The following DHX33 variants were observed in gnomAD, a reference collection of about 807,000 sequenced individuals.
DHX33 encodes the protein DEAH-box helicase 33, also known as ATP-dependent RNA helicase DHX33.
DHX33 carries 42 observed loss-of-function variants against 72.5 expected under a neutral mutation model. That is an observed-to-expected ratio of 0.58 (90% CI 0.45 to 0.75). DHX33 has a LOEUF of 0.75. Among genes scored for constraint, DHX33 ranks in the 30% least tolerant of loss-of-function variants. The pLI, the probability that DHX33 is intolerant of heterozygous loss-of-function variation, is 0.00. For synonymous variants in DHX33, 358 were observed against 366.1 expected, an observed-to-expected ratio of 0.98 and a Z score of 0.25; for missense variants, 842 against 917.5, an observed-to-expected ratio of 0.92 and a Z score of 1.06.
intron 3 of DHX33, 195 bp from the exon 4 acceptor site, chr17:5,461,304 TTC>T: frequency 3.3e-5 from 12 of 363,468 alleles, no homozygotes; most frequent in Non-Finnish European, 5.1e-5. Flanking sequence ...TTTCCTTTCC[TTC>T]TTTTTTTTTT....
chr17:5,456,841 T>C (rs1172413924), intron 4 of DHX33, among the ~76,000 whole-genome samples: 1 of 152,202 alleles, frequency 6.6e-6, no homozygotes, highest in Non-Finnish European at 1.5e-5. Flanking sequence ...GGCGCAGCCA[T>C]GCTGGAGAAG....
intron 4 of DHX33, among the ~76,000 whole-genome samples, chr17:5,458,523 G>A (rs993614242): frequency 6.6e-5 from 10 of 152,116 alleles, no homozygotes; most frequent in African/African-American, 2.4e-4. Flanking sequence ...TGAGGTGGGA[G>A]GACTGATTGA....
At chr17:5,457,302 C>T (rs1348709614) in intron 4 of DHX33, among the ~76,000 whole-genome samples, 1 of 151,618 alleles carries the variant, frequency 6.6e-6, no homozygotes, top group African/African-American at 2.4e-5. Flanking sequence ...AGCAAGACTC[C>T]ATCTCAAAAA....
chr17:5,457,740 A>G (rs1904389377), intron 4 of DHX33, among the ~76,000 whole-genome samples: 1 of 152,178 alleles, frequency 6.6e-6, no homozygotes, highest in Admixed American at 6.5e-5. Context: ...TATTAACAGA[A>G]CAAATGTGCA....
rs769163937 is a variant in DHX33 at position 5,455,235 on chromosome 17, C to T, written c.1072G>A (p.Glu358Lys). Residue 358 changes from glutamate to lysine, a missense_variant, in exon 6 of 12, where the codon GAA (glutamate) becomes AAA (lysine). Coordinates refer to ENST00000225296, the MANE Select transcript of DHX33 (RefSeq NM_020162.4). ...RKVIISTNIA[E>K]TSITITGIKY... ...ATTCCTGTAATGGTTATGGAGGTTT[C>T]AGCGATGTTGGTTGAAATGATCACT... 2.5e-6 allele frequency: 4 copies of T among 1,614,128 alleles called. No individual in the cohort carries two copies. Among genetic ancestry groups the T allele is most frequent in the Non-Finnish European group, 3.4e-6 (4 of 1,180,030 alleles).
intron 4 of DHX33, among the ~76,000 whole-genome samples, chr17:5,459,268 T>C (rs62072699): frequency 1.7e-3 from 254 of 152,240 alleles, no homozygotes; most frequent in Non-Finnish European, 3.0e-3. Flanking sequence ...AGAAAGCTAA[T>C]AGGAAGGTAA....
rs1916445275 is a variant in DHX33, at chr17:5,441,781, G to C, written c.*2424C>G. 6.6e-6 allele frequency: 1 copy of C among 152,158 alleles called. No individual in the cohort carries two copies. Among genetic ancestry groups the C allele is most frequent in the African/African-American group, 2.4e-5 (1 of 41,434 alleles). The allele number at this position is 152,158 out of a possible 1,614,324, so 9.4% of individuals were successfully genotyped here. ...CTTATTTCTGTACAGAAACATTAAAGCTACTTAGAAGCTGTTTACATCCTT... is the reference window on the plus strand; with the variant it reads ...CTTATTTCTGTACAGAAACATTAAACCTACTTAGAAGCTGTTTACATCCTT... On this transcript the variant is annotated 3_prime_UTR_variant, in exon 12 of 12. Coordinates refer to ENST00000225296, the MANE Select transcript of DHX33 (RefSeq NM_020162.4).
intron 1 of DHX33, among the ~76,000 whole-genome samples, chr17:5,467,924 T>TA (rs568119883): frequency 1.0e-3 from 154 of 152,312 alleles, no homozygotes; most frequent in Non-Finnish European, 1.1e-3. Context: ...CTTTAACTCT[T>TA]ACAAATAGCT....
rs1356531614 is a variant in DHX33 at position 5,463,775 on chromosome 17, C to T, written c.290-86G>A. 3 of 1,345,312 alleles carry T rather than the reference C, an allele frequency of 2.2e-6. No homozygotes were observed. The African/African-American group carries it at 4.5e-5, about 20-fold the overall frequency. 83.3% of individuals were successfully genotyped at this position (1,345,312 alleles called of 1,614,324 possible). ...AGGGCTGGCACCTATAATCTCAGCA[C>T]TTTGGGAGGCCGAGGTAGGAGGCTC... On this transcript the variant is annotated intron_variant, in intron 1 of 11. Coordinates refer to ENST00000225296, the MANE Select transcript of DHX33 (RefSeq NM_020162.4).
At chr17:5,451,753 C>A (rs1355992782) in intron 8 of DHX33, among the ~76,000 whole-genome samples, 1 of 152,068 alleles carries the variant, frequency 6.6e-6, no homozygotes, top group African/African-American at 2.4e-5. Context: ...AAGGAGTGAT[C>A]TGTAAAATGT....
intron 11 of DHX33, among the ~76,000 whole-genome samples, chr17:5,448,256 G>A (rs112489867): frequency 6.6e-6 from 1 of 152,116 alleles, no homozygotes; most frequent in Admixed American, 6.6e-5. Flanking sequence ...GGAAGTTGTG[G>A]AACATGTACC....
chr17:5,457,065 G>T (rs1465072770), intron 4 of DHX33, among the ~76,000 whole-genome samples: 2 of 152,192 alleles, frequency 1.3e-5, no homozygotes, highest in Non-Finnish European at 2.9e-5. Flanking sequence ...TTAACACTTT[G>T]GGAGGCCGAG....
Position 5,450,787 on chromosome 17 carries a change from G to A in DHX33, c.1524+20C>T. 6.2e-7 allele frequency: 1 copy of A among 1,614,100 alleles called. No individual in the cohort carries two copies. On this transcript the variant is annotated intron_variant, in intron 9 of 11. Coordinates refer to ENST00000225296, the MANE Select transcript of DHX33 (RefSeq NM_020162.4). Reference sequence around the variant, plus strand: ...AACTGTAATGTACAGAAAGAGGACTGAGGAGAGGGTATCATTTACTTTGGC... The same window carrying A: ...AACTGTAATGTACAGAAAGAGGACTAAGGAGAGGGTATCATTTACTTTGGC...
rs748453908 is a variant in DHX33, at chr17:5,453,711, C to T, written c.1308-43G>A. ...CCAGGGTCATGACCTGATCCCTCTG[C>T]CATTGAGTCAGAACCCCTCATGGTG... On this transcript the variant is annotated intron_variant, in intron 7 of 11. Transcript: ENST00000225296. The T allele has an allele frequency of 1.9e-6, 3 of 1,612,388 alleles. No homozygotes were observed. The South Asian group carries it at 3.3e-5, about 18-fold the overall frequency.
In DHX33 at chr17:5,444,412, G is replaced by A. The variant is rs758805293; in HGVS notation, c.1917C>T (p.Gly639=). ...GGTGGGTGTCCGTGGTGGCATAGGT[G>A]CCATCTGGCTGAAGCTCGGCGGTGC... The part of the protein sequence containing the change: ...FMSTAELQPD[G]TYATTDTHQP... The change falls in exon 12 of 12, where the codon GGC becomes GGT. Residue 639 remains glycine (G), a synonymous_variant. Transcript: ENST00000225296. The surrounding 1 kb of genome is among the most constrained non-coding windows in gnomAD (Gnocchi z 4.9). 1 of 1,614,212 alleles carries A rather than the reference G, an allele frequency of 6.2e-7. No homozygotes were observed. Among genetic ancestry groups the A allele is most frequent in the Non-Finnish European group, 8.5e-7 (1 of 1,180,044 alleles).
At position 5,450,294 on chromosome 17, in the gene DHX33, T is replaced by G. The variant is rs1359075665; in HGVS notation, c.1637A>C (p.Gln546Pro). Residue 546 changes from glutamine (Q) to proline (P), a missense_variant, in exon 10 of 12, where the codon CAA (glutamine) becomes CCA (proline). Gln to Pro is a moderately conservative substitution (Grantham distance 76). Coordinates refer to ENST00000225296, the MANE Select transcript of DHX33 (RefSeq NM_020162.4). The stretch of plus-strand genomic sequence containing the variant: ...GGATATGAACTTCTTGCGGACCCCT[T>G]GCACTTCCTCTCGCCGGGAAGGAGG... The part of the protein sequence containing the change: ...HNPPSRREEV[Q>P]GVRKKFISSE... 2 of 1,614,192 alleles carry G rather than the reference T, an allele frequency of 1.2e-6. No individual in the cohort carries two copies. Among genetic ancestry groups the G allele is most frequent in the Admixed American group, 3.3e-5 (2 of 60,008 alleles).
At chr17:5,451,878 G>A (rs957127091) in intron 8 of DHX33, among the ~76,000 whole-genome samples, 1 of 152,110 alleles carries the variant, frequency 6.6e-6, no homozygotes, top group Non-Finnish European at 1.5e-5. Context: ...CACTTAGTGT[G>A]AAAAAGCATC....
At chr17:5,468,416 C>T (rs1362330359) in intron 1 of DHX33, among the ~76,000 whole-genome samples, 155 bp downstream of exon 1, 1 of 152,252 alleles carries the variant, frequency 6.6e-6, no homozygotes. Flanking sequence ...GGCTGCCGGA[C>T]TCTTCTTCGA....
Position 5,450,900 on chromosome 17 carries a change from C to T in DHX33, c.1431G>A (p.Leu477=), listed in dbSNP as rs371493182. The T allele has an allele frequency of 3.5e-5, 56 of 1,614,000 alleles. 1 individual carries two copies. Among genetic ancestry groups the T allele is most frequent in the South Asian group, 7.7e-5 (7 of 91,086 alleles). ...CATCCTTATGTTCAAGAGCACCTAA[C>T]AGGTCCAGTTGGGCAATGGCCGCCT... The part of the protein sequence containing the change: ...HIQAAIAQLD[L]LGALEHKDDQ... The change falls in exon 9 of 12, where the codon CTG becomes CTA. Residue 477 remains leucine (L), a synonymous_variant. Coordinates refer to ENST00000225296, the MANE Select transcript of DHX33 (RefSeq NM_020162.4).
Sources: allele counts gnomAD v4.1 joint callset (sites outside exome capture counted in the v4.1 genomes callset), GRCh38; gene constraint gnomAD v4.1.1; non-coding constraint Gnocchi (gnomAD v3.1); transcripts MANE v1.5; gene names NCBI Gene and HGNC (gene_info 2026-07-23, HGNC 2026-07-21).